PEAK1: variants seen among roughly 807,000 people sequenced by gnomAD.
PEAK1 encodes inactive tyrosine-protein kinase PEAK1.
PEAK1 carries 54 observed loss-of-function variants against 124.7 expected under a neutral mutation model. The ratio of observed to expected loss-of-function variants is 0.43; its 90% CI spans 0.35 to 0.54. The LOEUF (loss-of-function observed/expected upper bound fraction) is 0.54, where lower values mean the gene tolerates loss of function less well. PEAK1 is among the 20% of genes least tolerant of loss of function. The pLI, the probability that PEAK1 is intolerant of heterozygous loss-of-function variation, is 0.01. For missense variants in PEAK1, 2,046 were observed against 2,134.5 expected, an observed-to-expected ratio of 0.96 and a Z score of 0.82; for synonymous variants, 719 against 760.0, an observed-to-expected ratio of 0.95 and a Z score of 0.89.
rs1045676475 is a variant in PEAK1, at chr15:77,403,469, A to T, written c.-666+16537T>A. The T allele has an allele frequency of 3.2e-6, 3 of 934,944 alleles. No homozygotes were observed. The African/African-American group carries it at 5.3e-5, about 17-fold the overall frequency. The allele number at this position is 934,944 out of a possible 1,614,324, so 57.9% of individuals were successfully genotyped here. On this transcript the variant is annotated intron_variant, in intron 1 of 9. Transcript: ENST00000682557. ...GGTAAATAATTATTAAAGAGTTCTC[A>T]TATTCCAGTAAAGAACTTAAATAAG...
chr15:77,407,518 C>T (rs1023422030), intron 1 of PEAK1, among the ~76,000 whole-genome samples: 2 of 152,090 alleles, frequency 1.3e-5, no homozygotes, highest in Non-Finnish European at 2.9e-5. Flanking sequence ...TGAAAAAATG[C>T]TCAACATCAC....
intron 5 of PEAK1, among the ~76,000 whole-genome samples, chr15:77,254,032 C>G (rs553987216): frequency 3.9e-5 from 6 of 152,248 alleles, no homozygotes; most frequent in South Asian, 2.1e-4. Flanking sequence ...GTTGGCCAGG[C>G]TGGTCCCAAA....
intron 2 of PEAK1, chr15:77,334,960 A>G (rs2066107910): frequency 1.0e-6 from 1 of 985,424 alleles, no homozygotes. Flanking sequence ...AAATCTCAAC[A>G]GATTGCTAGT....
intron 6 of PEAK1, among the ~76,000 whole-genome samples, chr15:77,240,535 T>G (rs2060308932): frequency 6.6e-6 from 1 of 151,800 alleles, no homozygotes; most frequent in African/African-American, 2.4e-5. Flanking sequence ...TGGGAGGACC[T>G]GCTTGAGCCC....
chr15:77,277,350 A>G (rs2062387665), intron 5 of PEAK1, among the ~76,000 whole-genome samples: 1 of 152,188 alleles, frequency 6.6e-6, no homozygotes, highest in South Asian at 2.1e-4. Flanking sequence ...GAGGCAGCAC[A>G]GGGATATCAT....
chr15:77,313,682 G>GTATATATATATATATATATA (rs1567244747), intron 2 of PEAK1, among the ~76,000 whole-genome samples: 3 of 118,656 alleles, frequency 2.5e-5, no homozygotes, highest in African/African-American at 1.2e-4. Context: ...GTGTGTGTGT[G>GTATATATATATATATATATA]TGTGTGTGTG....
At chr15:77,276,603 A>G (rs954909149) in intron 5 of PEAK1, among the ~76,000 whole-genome samples, 1 of 152,140 alleles carries the variant, frequency 6.6e-6, no homozygotes, top group African/African-American at 2.4e-5. Context: ...AACAGAAAGG[A>G]AATGAAAAAA....
chr15:77,181,571 T>C lies in PEAK1; in HGVS notation c.356A>G (p.Asn119Ser). The C allele has an allele frequency of 6.2e-7, 1 of 1,614,138 alleles. No homozygotes were observed. Among genetic ancestry groups the C allele is most frequent in the Non-Finnish European group, 8.5e-7 (1 of 1,180,022 alleles). ...AALSQKPLNN[N>S]NEDDEGISHV... ...GCTAATTCCTTCATCATCTTCATTA[T>C]TATTGTTAAGTGGTTTCTGACTCAA... is the stretch of plus-strand genomic sequence containing the variant. The change falls in exon 7 of 10, where the codon AAT becomes AGT. Residue 119 changes from asparagine to serine, a missense_variant. Transcript: ENST00000682557.
intron 2 of PEAK1, among the ~76,000 whole-genome samples, chr15:77,295,800 T>A (rs1305761643): frequency 6.6e-6 from 1 of 152,226 alleles, no homozygotes; most frequent in Non-Finnish European, 1.5e-5. Context: ...CCACCCAGTT[T>A]CAACTACATA....
At chr15:77,219,764 A>G (rs189743263) in intron 6 of PEAK1, among the ~76,000 whole-genome samples, 191 of 152,294 alleles carry the variant, frequency 1.3e-3, no homozygotes, top group Non-Finnish European at 2.0e-3. Flanking sequence ...ACTGCAAAGA[A>G]CAAAACTCAA....
chr15:77,110,076 A>C lies in PEAK1; in HGVS notation c.*4080T>G, dbSNP rs1354934294. Reference sequence around the variant, plus strand: ...TTCATAACTCAAAATTGAGACGCTTAGTAGGACCCAAAGATCTTTCCTGGA... The same window carrying C: ...TTCATAACTCAAAATTGAGACGCTTCGTAGGACCCAAAGATCTTTCCTGGA... On this transcript the variant is annotated 3_prime_UTR_variant, in exon 10 of 10. Transcript: ENST00000682557. The C allele has an allele frequency of 6.6e-6, 1 of 152,186 alleles. No individual in the cohort carries two copies. The highest frequency in any genetic ancestry group is 2.4e-5 in the African/African-American group (1 of 41,462). 9.4% of individuals were successfully genotyped at this position (152,186 alleles called of 1,614,324 possible). A position where few individuals can be genotyped will look rare whatever the true frequency, so the allele number is the denominator to read the frequency against.
intron 7 of PEAK1, among the ~76,000 whole-genome samples, chr15:77,160,387 C>T (rs1329682767): frequency 6.6e-6 from 1 of 152,146 alleles, no homozygotes; most frequent in Admixed American, 6.5e-5. Context: ...TTAAAAATAT[C>T]AGCCCCCTGG....
At chr15:77,204,235 A>G (rs2152850962) in intron 6 of PEAK1, among the ~76,000 whole-genome samples, 1 of 152,360 alleles carries the variant, frequency 6.6e-6, no homozygotes, top group Middle Eastern at 3.4e-3. Flanking sequence ...AAAATCTACA[A>G]TAGTGACAAA....
At chr15:77,315,368 A>C (rs2064804952) in intron 2 of PEAK1, among the ~76,000 whole-genome samples, 1 of 152,140 alleles carries the variant, frequency 6.6e-6, no homozygotes, top group Admixed American at 6.5e-5. Flanking sequence ...TACCTTACTA[A>C]ACAACTTTGG....
intron 2 of PEAK1, among the ~76,000 whole-genome samples, chr15:77,307,872 A>G (rs1400686247): frequency 2.6e-5 from 4 of 151,968 alleles, no homozygotes; most frequent in Admixed American, 1.3e-4. Context: ...TTACCTGGTA[A>G]ACTCTGAGGA....
Position 77,112,758 on chromosome 15 carries a change from A to T in PEAK1, c.*1398T>A, listed in dbSNP as rs1289443606. ...TAGCGCAAATATGTGCCAAGGGAAGAAGGGGGAGGGTTTCTGTAGACTCGC... is the reference window on the plus strand; with the variant it reads ...TAGCGCAAATATGTGCCAAGGGAAGTAGGGGGAGGGTTTCTGTAGACTCGC... On this transcript the variant is annotated 3_prime_UTR_variant, in exon 10 of 10. Coordinates refer to ENST00000682557, the MANE Select transcript of PEAK1 (RefSeq NM_001385026.1). The T allele has an allele frequency of 6.6e-6, 1 of 152,384 alleles. No homozygotes were observed. The highest frequency in any genetic ancestry group is 1.5e-5 in the Non-Finnish European group (1 of 68,196). The allele number at this position is 152,384 out of a possible 1,614,324, so 9.4% of individuals were successfully genotyped here.
In PEAK1 at chr15:77,117,228, A is replaced by G. The variant is rs537674114; in HGVS notation, c.4078-1909T>C. Among the ~76,000 whole-genome samples the G allele has an allele frequency of 2.0e-5, 3 of 152,326 alleles. No individual in the cohort carries two copies. In the South Asian group the frequency reaches 6.2e-4, roughly 32 times the overall value. ...TGGATGGTTAAACTCTAGCTGTTAC[A>G]TTATAAAAAATGACACTCTCCAAGG... is the stretch of plus-strand genomic sequence containing the variant. On this transcript the variant is annotated intron_variant, in intron 9 of 9. Coordinates refer to ENST00000682557, the MANE Select transcript of PEAK1 (RefSeq NM_001385026.1).
intron 2 of PEAK1, among the ~76,000 whole-genome samples, chr15:77,330,480 G>A (rs2065828397): frequency 7.6e-6 from 1 of 131,130 alleles, no homozygotes; most frequent in Admixed American, 7.6e-5. Flanking sequence ...TGAGTCCAAA[G>A]TGCTTACAAA....
chr15:77,197,839 A>G (rs1469513066), intron 6 of PEAK1, among the ~76,000 whole-genome samples: 1 of 152,152 alleles, frequency 6.6e-6, no homozygotes, highest in Non-Finnish European at 1.5e-5. Context: ...TTCAACTTAC[A>G]TATGGATTTT....
Sources: gnomAD v4.1 joint callset for allele counts (sites outside exome capture counted in the v4.1 genomes callset) on GRCh38, gnomAD v4.1.1 for gene constraint, MANE v1.5 for transcripts, NCBI Gene and HGNC (gene_info 2026-07-23, HGNC 2026-07-21) for gene names.